Variants in PWWP2A observed in about 807,000 individuals in gnomAD.
PWWP2A encodes PWWP domain-containing protein 2A.
In PWWP2A, 18 loss-of-function variants were observed where a neutral mutation model predicts 48.5. The ratio of observed to expected loss-of-function variants is 0.37; its 90% CI spans 0.26 to 0.55. The LOEUF (loss-of-function observed/expected upper bound fraction) is 0.55. PWWP2A is among the 20% of genes least tolerant of loss of function. PWWP2A has a pLI of 0.81. For missense variants in PWWP2A, 867 were observed against 976.4 expected (o/e 0.89, Z 1.49); for synonymous variants, 396 against 387.7 (o/e 1.02, Z -0.25).
intron 1 of PWWP2A, among the ~76,000 whole-genome samples, chr5:160,100,582 C>T (rs1012626253): frequency 6.6e-6 from 1 of 152,194 alleles, no homozygotes; most frequent in African/African-American, 2.4e-5. Flanking sequence ...GCCTGGTCAA[C>T]ATAGCCAGAT....
intron 5 of PWWP2A, among the ~76,000 whole-genome samples, chr5:160,062,701 G>C (rs1043743110): frequency 2.0e-5 from 3 of 152,160 alleles, no homozygotes; most frequent in Non-Finnish European, 2.9e-5. Context: ...CCCTCCTCAG[G>C]AGTCTGATGT....
At position 160,093,827 on chromosome 5, in the gene PWWP2A, G is replaced by T; in HGVS notation, c.823C>A (p.Pro275Thr). 1 of 1,614,020 alleles carries T rather than the reference G, an allele frequency of 6.2e-7. No individual in the cohort carries two copies. The highest frequency in any genetic ancestry group is 8.5e-7 in the Non-Finnish European group (1 of 1,179,898). ...TTATATGTGTCCCTGATAAACAAAG[G>T]GGGAGGATAAGGTGCTCCTTCATGG... is the stretch of plus-strand genomic sequence containing the variant. ...LFHEGAPYPP[P>T]LFIRDTYNQS... Residue 275 changes from proline to threonine, a missense_variant, in exon 2 of 2, where the codon CCT becomes ACT. Around this residue, in one of 4 missense-constraint regions of PWWP2A, gnomAD observed 385 missense variants for 396.9 expected, o/e 0.97. Coordinates refer to ENST00000307063, the MANE Select transcript of PWWP2A (RefSeq NM_001130864.2). The surrounding 1 kb of genome is among the most constrained non-coding windows in gnomAD (Gnocchi z 5.8).
downstream of PWWP2A, chr5:160,090,961 G>T (rs1453795391): frequency 1.0e-6 from 1 of 985,048 alleles, no homozygotes; most frequent in East Asian, 1.1e-4. Context: ...TAAGTTACTA[G>T]CCCCAAAAGC....
At chr5:160,065,762 T>C (rs548900533) in intron 4 of PWWP2A, among the ~76,000 whole-genome samples, 1 of 152,362 alleles carries the variant, frequency 6.6e-6, no homozygotes, top group Admixed American at 6.5e-5. Context: ...CTTGGGCCCC[T>C]CCAGGTTTGT....
chr5:160,080,555 T>C (rs1460959006), intron 3 of PWWP2A: 86 of 1,158,614 alleles, frequency 7.4e-5, no homozygotes, highest in Non-Finnish European at 8.7e-5. Context: ...AAAGAACTAA[T>C]GAATTCTTTT....
At chr5:160,105,977 G>C (rs977748627) in intron 1 of PWWP2A, among the ~76,000 whole-genome samples, 5 of 152,030 alleles carry the variant, frequency 3.3e-5, no homozygotes, top group Admixed American at 6.6e-5. Flanking sequence ...AGGCAAAACA[G>C]CATGCTATCT....
rs763945955 is a variant in PWWP2A, at chr5:160,093,536, C to T, written c.1114G>A (p.Asp372Asn). 2 of 1,613,848 alleles carry T rather than the reference C, an allele frequency of 1.2e-6. No individual in the cohort carries two copies. Among genetic ancestry groups the T allele is most frequent in the African/African-American group, 2.7e-5 (2 of 75,048 alleles). The change falls in exon 2 of 2, where the codon GAT becomes AAT. Residue 372 changes from aspartate to asparagine, a missense_variant. Asp to Asn is a conservative substitution (Grantham distance 23). Around this residue, in one of 4 missense-constraint regions of PWWP2A, gnomAD observed 382 missense variants for 407.2 expected, o/e 0.94. Transcript: ENST00000307063. The surrounding 1 kb of genome is among the most constrained non-coding windows in gnomAD (Gnocchi z 5.8). ...NKKLKTDHKV[D>N]GKNQNESQKR... Reference sequence around the variant, plus strand: ...TGGCTTTCATTTTGGTTTTTCCCATCCACTTTATGGTCAGTTTTCAGTTTT... The same window carrying T: ...TGGCTTTCATTTTGGTTTTTCCCATTCACTTTATGGTCAGTTTTCAGTTTT...
the PWWP2A span, among the ~76,000 whole-genome samples, chr5:160,045,506 ACACACACATACACACTCTCTCTCT>A: frequency 1.1e-5 from 1 of 87,872 alleles, no homozygotes; most frequent in African/African-American, 4.6e-5. Flanking sequence ...ACACACACAC[ACACACACATACACACTCTCTCTCT>A]CTCTCTCTCT....
downstream of PWWP2A, among the ~76,000 whole-genome samples, chr5:160,072,487 G>A (rs983914117): frequency 2.0e-5 from 3 of 152,192 alleles, no homozygotes; most frequent in African/African-American, 7.2e-5. Context: ...CAGCACCTGC[G>A]GGGGGCGAGG....
At chr5:160,110,972 CAAAAAA>C (rs1195225635) in intron 1 of PWWP2A, among the ~76,000 whole-genome samples, 243 of 54,144 alleles carry the variant, frequency 4.5e-3, no homozygotes, top group African/African-American at 0.014. Context: ...GACTCTGTCT[CAAAAAA>C]AAAAAAAAAA....
chr5:160,114,096 A>G lies in PWWP2A; in HGVS notation c.584+4709T>C, dbSNP rs150433742. On this transcript the variant is annotated intron_variant, in intron 1 of 1. Coordinates refer to ENST00000307063, the MANE Select transcript of PWWP2A (RefSeq NM_001130864.2). Reference sequence around the variant, plus strand: ...AATTTTTACCTAGAGGTTGAATTCAATGGCCAAATAAGATACAAATTACTT... The same window carrying G: ...AATTTTTACCTAGAGGTTGAATTCAGTGGCCAAATAAGATACAAATTACTT... 1.7e-3 allele frequency among the ~76,000 whole-genome samples: 257 copies of G among 152,358 alleles called. 2 individuals are homozygous for G. Among genetic ancestry groups the G allele is most frequent in the African/African-American group, 4.6e-3 (191 of 41,592 alleles).
At chr5:160,102,453 T>C (rs375013248) in intron 1 of PWWP2A, among the ~76,000 whole-genome samples, 8 of 142,890 alleles carry the variant, frequency 5.6e-5, no homozygotes, top group African/African-American at 1.6e-4. Context: ...AAGCCTATAA[T>C]ACTAGCTAAT....
At chr5:160,070,939 G>A (rs947598871), downstream of PWWP2A, among the ~76,000 whole-genome samples, 1 of 152,212 alleles carries the variant, frequency 6.6e-6, no homozygotes, top group Admixed American at 6.5e-5. Context: ...TGTAATCCCA[G>A]CACTTTGGGA....
In PWWP2A at chr5:160,092,607, T is replaced by G. The variant is rs766766919; in HGVS notation, c.2043A>C (p.Lys681Asn). Residue 681 changes from lysine (K) to asparagine (N), a missense_variant, in exon 2 of 2, where the codon AAA becomes AAC. By Grantham distance (94) the Lys-to-Asn change is moderately conservative. This residue lies in a region of PWWP2A where 97 missense variants were observed against 151.7 expected (regional missense o/e 0.64). Coordinates refer to ENST00000307063, the MANE Select transcript of PWWP2A (RefSeq NM_001130864.2). The stretch of plus-strand genomic sequence containing the variant: ...CCTGTCGGACTAAAAGGCCGTTATC[T>G]TTCCGGCTCACAGTTATAGTAAGAA... ...ARILTITVSR[K>N]DNGLLVRQEA... 1.4e-5 allele frequency: 21 copies of G among 1,551,736 alleles called. 1 individual carries two copies. In the South Asian group the frequency reaches 2.5e-4, roughly 18 times the overall value.
At position 160,078,557 on chromosome 5, in the gene PWWP2A, G is replaced by T. The variant is rs1241937922; in HGVS notation, c.1670-389C>A. On this transcript the variant is annotated intron_variant, in intron 3 of 3. Coordinates refer to the PWWP2A transcript ENST00000456329. The surrounding 1 kb of genome is among the most constrained non-coding windows in gnomAD (Gnocchi z 4.2). ...CTCTGAGAGTCAGCTTAGTTGCTGG[G>T]GACTGCTATGAAGCACCAACAGCCT... Among the ~76,000 whole-genome samples, 3 of 152,014 alleles carry T rather than the reference G, an allele frequency of 2.0e-5. No homozygotes were observed. Among genetic ancestry groups the T allele is most frequent in the African/African-American group, 4.8e-5 (2 of 41,380 alleles).
Position 160,118,430 on chromosome 5 carries a change from C to T in PWWP2A, c.584+375G>A, listed in dbSNP as rs536327023. Among the ~76,000 whole-genome samples, 3 of 148,728 alleles carry T rather than the reference C, an allele frequency of 2.0e-5. No homozygotes were observed. In the Admixed American group the frequency reaches 2.0e-4, roughly 10 times the overall value. ...CAAGCAATGCCCCCCGCCCCCCCGT[C>T]CCCCCGTCCAACACTCCGTTCTCTG... On this transcript the variant is annotated intron_variant, in intron 1 of 1. Transcript: ENST00000307063.
At chr5:160,058,429 G>C (rs1367276499), downstream of PWWP2A, among the ~76,000 whole-genome samples, 10 of 42,426 alleles carry the variant, frequency 2.4e-4, no homozygotes, top group East Asian at 6.6e-3. Flanking sequence ...TTTTTTTTTT[G>C]AGACGGAGTC....
Position 160,092,059 on chromosome 5 carries a change from C to T in PWWP2A, c.*323G>A, listed in dbSNP as rs1192250734. ...ACACACGTATATATATGTATATATA[C>T]AGTATTAGGTACAAATGGCAATTAA... On this transcript the variant is annotated 3_prime_UTR_variant, in exon 2 of 2. Transcript: ENST00000307063. The T allele has an allele frequency of 7.0e-5, 63 of 901,080 alleles. No homozygotes were observed. Among genetic ancestry groups the T allele is most frequent in the Non-Finnish European group, 7.8e-5 (59 of 752,160 alleles). 55.8% of individuals were successfully genotyped at this position (901,080 alleles called of 1,614,324 possible). A position where few individuals can be genotyped will look rare whatever the true frequency, so the allele number is the denominator to read the frequency against.
intron 1 of PWWP2A, among the ~76,000 whole-genome samples, chr5:160,099,649 A>G (rs531508390): frequency 1.3e-5 from 2 of 151,084 alleles, no homozygotes; most frequent in East Asian, 3.9e-4. Flanking sequence ...AAATATCTTA[A>G]TAATTTAGGA....
Sources: gnomAD v4.1 joint callset for allele counts (sites outside exome capture counted in the v4.1 genomes callset) on GRCh38, gnomAD v4.1.1 for gene constraint, gnomAD v4.1.1 regional missense constraint, Gnocchi (gnomAD v3.1) non-coding constraint, MANE v1.5 for transcripts, NCBI Gene and HGNC (gene_info 2026-07-23, HGNC 2026-07-21) for gene names.